EXOC4: variants seen among roughly 807,000 people sequenced by gnomAD.
The protein encoded by EXOC4 is exocyst complex component 4, also known as SEC8-like 1.
In EXOC4, 71 loss-of-function variants were observed where a neutral mutation model predicts 107.2. The ratio of observed to expected loss-of-function variants is 0.66; its 90% CI spans 0.55 to 0.81. The LOEUF is 0.81. EXOC4 is among the 30% of genes least tolerant of loss of function. EXOC4 has a pLI of 0.00. For synonymous variants in EXOC4, 456 were observed against 441.2 expected, an observed-to-expected ratio of 1.03 and a Z score of -0.42; for missense variants, 1,108 against 1,189.6, an observed-to-expected ratio of 0.93 and a Z score of 1.01.
intron 7 of EXOC4, among the ~76,000 whole-genome samples, chr7:133,389,943 C>A (rs1796815327): frequency 6.7e-6 from 1 of 149,060 alleles, no homozygotes; most frequent in Admixed American, 6.7e-5. Context: ...ATTTTTAAAA[C>A]CATCAGGTCT....
intron 10 of EXOC4, among the ~76,000 whole-genome samples, chr7:133,773,499 T>TATTATTA: frequency 6.6e-6 from 1 of 151,612 alleles, no homozygotes; most frequent in African/African-American, 2.4e-5. Context: ...TTATTTTTCT[T>TATTATTA]TTTGAGCTCC....
chr7:133,631,816 A>G (rs981051176), intron 10 of EXOC4, among the ~76,000 whole-genome samples: 4 of 152,086 alleles, frequency 2.6e-5, no homozygotes, highest in African/African-American at 7.2e-5. Context: ...TTCAATTACA[A>G]TTGATTTCTA....
At chr7:133,719,977 C>G (rs529556349) in intron 10 of EXOC4, among the ~76,000 whole-genome samples, 2 of 152,038 alleles carry the variant, frequency 1.3e-5, no homozygotes, top group African/African-American at 4.8e-5. Flanking sequence ...GGACCTTATC[C>G]CACTGATTGT....
chr7:133,938,853 A>T (rs1008696329), intron 14 of EXOC4, among the ~76,000 whole-genome samples: 3 of 152,218 alleles, frequency 2.0e-5, no homozygotes, highest in Non-Finnish European at 4.4e-5. Context: ...CCCAGGCTGG[A>T]GTGCAGTGGC....
At chr7:133,254,021 A>ATTTCAACT (rs1302989682) in intron 1 of EXOC4, 1 of 151,786 alleles carries the variant, frequency 6.6e-6, no homozygotes, top group African/African-American at 2.4e-5. Context: ...TGGCATTTGA[A>ATTTCAACT]TTTCAACTCG....
chr7:133,681,971 A>G (rs891880221), intron 10 of EXOC4, among the ~76,000 whole-genome samples: 1 of 152,120 alleles, frequency 6.6e-6, no homozygotes, highest in African/African-American at 2.4e-5. Flanking sequence ...TGGCATGATC[A>G]TAGTTCACTG....
intron 10 of EXOC4, among the ~76,000 whole-genome samples, chr7:133,675,631 A>C (rs191887851): frequency 2.3e-4 from 35 of 152,302 alleles, no homozygotes; most frequent in African/African-American, 7.9e-4. Flanking sequence ...TGGACAAATC[A>C]TTCTGCTTTG....
chr7:133,592,507 A>G (rs1177604228), intron 9 of EXOC4, among the ~76,000 whole-genome samples: 2 of 152,158 alleles, frequency 1.3e-5, no homozygotes, highest in Non-Finnish European at 2.9e-5. Context: ...CAGTGGTGCA[A>G]TCTCGGCTCA....
intron 10 of EXOC4, among the ~76,000 whole-genome samples, chr7:133,726,494 T>C (rs1795217913): frequency 1.3e-5 from 2 of 152,212 alleles, no homozygotes; most frequent in African/African-American, 4.8e-5. Flanking sequence ...TGGCTCCCCA[T>C]TGCCAACTCC....
At chr7:133,318,123 A>G (rs1170143538) in intron 5 of EXOC4, among the ~76,000 whole-genome samples, 5 of 152,188 alleles carry the variant, frequency 3.3e-5, no homozygotes, top group African/African-American at 9.7e-5. Context: ...CCTCTGTCCT[A>G]TGCCCTCTCC....
chr7:133,988,509 A>G (rs972364197), intron 14 of EXOC4, among the ~76,000 whole-genome samples: 3 of 152,220 alleles, frequency 2.0e-5, no homozygotes, highest in African/African-American at 2.4e-5. Context: ...GAAAATATAT[A>G]TAATACATAA....
intron 9 of EXOC4, among the ~76,000 whole-genome samples, chr7:133,492,723 AATT>A (rs1308113248): frequency 1.3e-5 from 2 of 152,080 alleles, no homozygotes; most frequent in Non-Finnish European, 2.9e-5. Flanking sequence ...TGAATTCTTT[AATT>A]TTTATTCCTT....
intron 12 of EXOC4, among the ~76,000 whole-genome samples, chr7:133,899,934 A>T (rs530891199): frequency 6.6e-6 from 1 of 151,888 alleles, no homozygotes; most frequent in Non-Finnish European, 1.5e-5. Context: ...TTTAGTAGAG[A>T]TGGAGTTTCA....
At chr7:133,988,080 A>G (rs1029031861) in intron 14 of EXOC4, among the ~76,000 whole-genome samples, 1 of 152,202 alleles carries the variant, frequency 6.6e-6, no homozygotes, top group Non-Finnish European at 1.5e-5. Context: ...CTGGGTACTT[A>G]ATGCCAGGCA....
At chr7:133,378,697 AAGAT>A (rs536301862) in intron 7 of EXOC4, among the ~76,000 whole-genome samples, 360 of 152,254 alleles carry the variant, frequency 2.4e-3, no homozygotes, top group Non-Finnish European at 4.2e-3. Flanking sequence ...TTAAAATTCT[AAGAT>A]AGATACGTAG....
intron 11 of EXOC4, among the ~76,000 whole-genome samples, chr7:133,891,594 G>A (rs1366107528): frequency 4.2e-5 from 4 of 94,954 alleles, no homozygotes; most frequent in African/African-American, 6.4e-5. Flanking sequence ...TTTGAAATAC[G>A]TCCCATCAAT....
At chr7:133,709,835 C>T (rs1289782321) in intron 10 of EXOC4, among the ~76,000 whole-genome samples, 1 of 152,094 alleles carries the variant, frequency 6.6e-6, no homozygotes, top group Non-Finnish European at 1.5e-5. Context: ...TACTTGATAG[C>T]ATTTTTGTGA....
chr7:133,386,626 C>T (rs981594090), intron 7 of EXOC4, among the ~76,000 whole-genome samples: 1 of 152,142 alleles, frequency 6.6e-6, no homozygotes, highest in Non-Finnish European at 1.5e-5. Flanking sequence ...GATACGTGTA[C>T]CATAACGTGT....
chr7:133,586,148 G>A (rs1285210833), intron 9 of EXOC4, among the ~76,000 whole-genome samples: 1 of 152,076 alleles, frequency 6.6e-6, no homozygotes, highest in Non-Finnish European at 1.5e-5. Context: ...TAAATTGTGT[G>A]TCATGGGTGT....
Sources: gnomAD v4.1 joint callset for allele counts (sites outside exome capture counted in the v4.1 genomes callset) on GRCh38, gnomAD v4.1.1 for gene constraint, MANE v1.5 for transcripts, NCBI Gene and HGNC (gene_info 2026-07-23, HGNC 2026-07-21) for gene names.